The following AKAP6 variants were observed in gnomAD, a reference collection of about 807,000 sequenced individuals.
The protein encoded by AKAP6 is A-kinase anchoring protein 6, also known as A-kinase anchor protein 6.
AKAP6 carries 58 observed loss-of-function variants against 188.5 expected under a neutral mutation model. The observed-to-expected ratio is 0.31, with a 90% CI of 0.25 to 0.38. The LOEUF is 0.38. Ranked by LOEUF, AKAP6 falls within the 10% of genes least tolerant of loss-of-function variation. AKAP6 has a pLI of 1.00. For synonymous variants in AKAP6, 989 were observed against 998.6 expected, an observed-to-expected ratio of 0.99 and a Z score of 0.18; for missense variants, 2,710 against 2,740.0, an observed-to-expected ratio of 0.99 and a Z score of 0.24.
At chr14:32,540,610 G>T (rs1241970334) in intron 3 of AKAP6, among the ~76,000 whole-genome samples, 1 of 152,064 alleles carries the variant, frequency 6.6e-6, no homozygotes, top group Non-Finnish European at 1.5e-5. Flanking sequence ...TCTGAAATAA[G>T]GGCAGTAAAA....
chr14:32,427,006 C>A (rs1383469619), intron 1 of AKAP6, among the ~76,000 whole-genome samples: 1 of 152,004 alleles, frequency 6.6e-6, no homozygotes, highest in Non-Finnish European at 1.5e-5. Context: ...AATGTAATCA[C>A]CCATCTGCCG....
At chr14:32,800,967 T>C (rs925813717) in intron 12 of AKAP6, among the ~76,000 whole-genome samples, 10 of 152,108 alleles carry the variant, frequency 6.6e-5, no homozygotes, top group Admixed American at 2.6e-4. Flanking sequence ...CAGTGAGCCA[T>C]GATTGTACCA....
chr14:32,341,853 A>G (rs1886899942), intron 1 of AKAP6, among the ~76,000 whole-genome samples: 1 of 152,136 alleles, frequency 6.6e-6, no homozygotes, highest in Non-Finnish European at 1.5e-5. Flanking sequence ...CCTAAAAAAC[A>G]AGTAAAAAAT....
rs796432814 is a variant in AKAP6, at chr14:32,590,442, G to GAAACA, written c.2470-8948_2470-8944dup. On this transcript the variant is annotated intron_variant, in intron 5 of 13. Coordinates refer to ENST00000280979, the MANE Select transcript of AKAP6 (RefSeq NM_004274.5). Reference sequence around the variant, plus strand: ...AGTGGCTGGGCAAGACTCTGTCTCAGAAACAAAACAAAACAAAACAAAACT... The same window carrying GAAACA: ...AGTGGCTGGGCAAGACTCTGTCTCAGAAACAAAACAAAACAAAACAAAACAAAACT... Among the ~76,000 whole-genome samples, 42 of 152,058 alleles carry GAAACA rather than the reference G, an allele frequency of 2.8e-4. 2 individuals carry two copies. The South Asian group carries it at 5.2e-3, about 19-fold the overall frequency.
At chr14:32,809,976 A>G (rs2034183234) in intron 12 of AKAP6, among the ~76,000 whole-genome samples, 2 of 152,206 alleles carry the variant, frequency 1.3e-5, no homozygotes, top group Non-Finnish European at 2.9e-5. Context: ...TAGGTAGTGC[A>G]AAGTATCCTA....
chr14:32,442,414 G>T (rs866638063), intron 2 of AKAP6: 1 of 152,348 alleles, frequency 6.6e-6, no homozygotes, highest in South Asian at 2.1e-4. Flanking sequence ...TTGAGTCCAG[G>T]AGTCCTGGGC....
At chr14:32,508,591 G>A (rs533623536) in intron 2 of AKAP6, among the ~76,000 whole-genome samples, 3 of 152,270 alleles carry the variant, frequency 2.0e-5, no homozygotes, top group Admixed American at 6.5e-5. Flanking sequence ...AAGGCCAGAT[G>A]TCTAGCTACA....
At chr14:32,525,643 G>C (rs1390050896) in intron 2 of AKAP6, among the ~76,000 whole-genome samples, 2 of 152,200 alleles carry the variant, frequency 1.3e-5, no homozygotes, top group African/African-American at 4.8e-5. Flanking sequence ...TGCTGAGTAA[G>C]TGCCAATTAG....
Position 32,822,663 on chromosome 14 carries a change from A to T in AKAP6, c.4850A>T (p.Asp1617Val). 6.2e-7 allele frequency: 1 copy of T among 1,613,994 alleles called. No homozygotes were observed. The highest frequency in any genetic ancestry group is 8.5e-7 in the Non-Finnish European group (1 of 1,179,940). The change falls in exon 13 of 14, where the codon GAT becomes GTT. Residue 1617 changes from aspartate to valine, a missense_variant. This residue lies in a region of AKAP6 where 2,473 missense variants were observed against 2,426.1 expected (regional missense o/e 1.02). Coordinates refer to ENST00000280979, the MANE Select transcript of AKAP6 (RefSeq NM_004274.5). ...EDLFSCHSSG[D>V]ISVSSGSVGE... ...CTCTTTAGCTGTCACAGCTCTGGGG[A>T]TATAAGCGTGAGCAGTGGCTCAGTT...
chr14:32,462,884 A>G (rs1003975490), intron 2 of AKAP6, among the ~76,000 whole-genome samples: 2 of 132,340 alleles, frequency 1.5e-5, no homozygotes, highest in African/African-American at 5.4e-5. Context: ...AGGAATATTT[A>G]CCAAGCAAAT....
At chr14:32,589,884 CTG>C (rs1228941788) in intron 5 of AKAP6, among the ~76,000 whole-genome samples, 1 of 152,156 alleles carries the variant, frequency 6.6e-6, no homozygotes, top group Admixed American at 6.5e-5. Flanking sequence ...CTGAAGGACA[CTG>C]TGCATGGATG....
chr14:32,468,569 A>G (rs1170947554), intron 2 of AKAP6, among the ~76,000 whole-genome samples: 2 of 152,136 alleles, frequency 1.3e-5, no homozygotes, highest in Admixed American at 6.6e-5. Flanking sequence ...CCTTTCTTGC[A>G]TAGATCAAGT....
intron 5 of AKAP6, among the ~76,000 whole-genome samples, chr14:32,587,159 G>A (rs947460353): frequency 3.3e-5 from 5 of 152,062 alleles, no homozygotes; most frequent in African/African-American, 1.2e-4. Context: ...TGTTTTTAGA[G>A]TCATCTGTAT....
intron 1 of AKAP6, among the ~76,000 whole-genome samples, chr14:32,432,974 A>C (rs897854032): frequency 6.6e-6 from 1 of 152,152 alleles, no homozygotes; most frequent in Non-Finnish European, 1.5e-5. Context: ...TGCTCTAGCC[A>C]TCAAGTCCAC....
intron 1 of AKAP6, among the ~76,000 whole-genome samples, chr14:32,343,102 G>C (rs967961037): frequency 6.6e-6 from 1 of 152,178 alleles, no homozygotes; most frequent in African/African-American, 2.4e-5. Flanking sequence ...ATGTTGGTAA[G>C]CTTGGGCTTG....
intron 1 of AKAP6, among the ~76,000 whole-genome samples, chr14:32,374,881 T>C (rs903556367): frequency 4.6e-5 from 7 of 152,228 alleles, no homozygotes; most frequent in African/African-American, 9.6e-5. Context: ...ATGACTATCA[T>C]TAACTAGTGT....
chr14:32,642,391 G>A (rs760103568), intron 7 of AKAP6, among the ~76,000 whole-genome samples: 2 of 152,120 alleles, frequency 1.3e-5, no homozygotes, highest in Non-Finnish European at 1.5e-5. Context: ...TTTGATCTAC[G>A]TTGGCTGAAA....
chr14:32,535,878 T>C, intron 3 of AKAP6, 73 bp downstream of exon 3: 1 of 1,537,304 alleles, frequency 6.5e-7, no homozygotes, highest in Non-Finnish European at 8.8e-7. Context: ...AGTTTAGAGA[T>C]GTAGGATAGG....
chr14:32,774,137 A>G (rs2032983588), intron 12 of AKAP6: 4 of 519,006 alleles, frequency 7.7e-6, no homozygotes, highest in Non-Finnish European at 1.0e-5. Flanking sequence ...AAATTCCTTT[A>G]GTGTACCTCA....
Sources: gnomAD v4.1 joint callset for allele counts (sites outside exome capture counted in the v4.1 genomes callset) on GRCh38, gnomAD v4.1.1 for gene constraint, gnomAD v4.1.1 regional missense constraint, MANE v1.5 for transcripts, NCBI Gene and HGNC (gene_info 2026-07-23, HGNC 2026-07-21) for gene names.